The following STEAP4 variants were observed in gnomAD, a reference collection of about 807,000 sequenced individuals.
The protein encoded by STEAP4 is metalloreductase STEAP4.
In STEAP4, 36 loss-of-function variants were observed where a neutral mutation model predicts 43.6. The ratio of observed to expected loss-of-function variants is 0.83; its 90% CI spans 0.63 to 1.09. The LOEUF is 1.09. Ranked by LOEUF, STEAP4 falls within the 50% of genes least tolerant of loss-of-function variation. The pLI is 0.00. For missense variants in STEAP4, 495 were observed against 546.5 expected (o/e 0.91, Z 0.94); for synonymous variants, 191 against 196.7 (o/e 0.97, Z 0.24).
At chr7:88,305,517 A>G (rs1586757511) in intron 1 of STEAP4, among the ~76,000 whole-genome samples, 1 of 152,346 alleles carries the variant, frequency 6.6e-6, no homozygotes, top group East Asian at 1.9e-4. Flanking sequence ...TATGACTGCC[A>G]TTTGTAGGGA....
At position 88,273,501 on chromosome 7, in the gene STEAP4, G is replaced by GGTGTGTGT. The variant is rs71750459; in HGVS notation, c.*5889_*5896dup. ...AGCTATAGGTAATGGAACTAAGCCT[G>GGTGTGTGT]GTGTGTGTGTGTGTGTGTGTGTGTA... On this transcript the variant is annotated 3_prime_UTR_variant, in exon 5 of 5. Transcript: ENST00000380079. 6.7e-6 allele frequency: 1 copy of GGTGTGTGT among 149,462 alleles called. No individual in the cohort carries two copies. Among genetic ancestry groups the GGTGTGTGT allele is most frequent in the Admixed American group, 6.7e-5 (1 of 14,970 alleles). 9.3% of individuals were successfully genotyped at this position (149,462 alleles called of 1,614,324 possible). A position where few individuals can be genotyped will look rare whatever the true frequency, so the allele number is the denominator to read the frequency against.
At chr7:88,283,607 C>T in intron 2 of STEAP4, 1 of 624,118 alleles carries the variant, frequency 1.6e-6, no homozygotes, top group Non-Finnish European at 2.7e-6. Flanking sequence ...TTCCATCAAA[C>T]TAAAATCTGA....
intron 1 of STEAP4, among the ~76,000 whole-genome samples, chr7:88,302,340 T>A (rs1158505896): frequency 6.6e-6 from 1 of 152,200 alleles, no homozygotes. Context: ...AAGCATATAA[T>A]CAAATTGTTG....
At chr7:88,293,303 T>G (rs148089066) in intron 1 of STEAP4, among the ~76,000 whole-genome samples, 83 of 152,338 alleles carry the variant, frequency 5.4e-4, no homozygotes, top group African/African-American at 1.9e-3. Context: ...CTAATTGGAC[T>G]GTTTGGGTTT....
intron 2 of STEAP4, 52 bp from the exon 3 acceptor site, chr7:88,283,220 A>G (rs535458129): frequency 6.7e-7 from 1 of 1,490,032 alleles, no homozygotes; most frequent in South Asian, 1.4e-5. Context: ...TCCTTATTTA[A>G]TAATTATTTT....
chr7:88,283,641 ACAGTTGAC>A, intron 2 of STEAP4, 165 bp downstream of exon 2: 1 of 715,128 alleles, frequency 1.4e-6, no homozygotes. Context: ...GGGAGATATA[ACAGTTGAC>A]CACCTTATTT....
At chr7:88,283,706 A>C in intron 2 of STEAP4, 108 bp downstream of exon 2, 1 of 1,210,108 alleles carries the variant, frequency 8.3e-7, no homozygotes, top group Non-Finnish European at 1.1e-6. Flanking sequence ...GCAAAATGTA[A>C]TATTTAGTGG....
intron 1 of STEAP4, among the ~76,000 whole-genome samples, chr7:88,303,020 T>C (rs1470136582): frequency 6.7e-6 from 1 of 148,836 alleles, no homozygotes; most frequent in Non-Finnish European, 1.5e-5. Context: ...CTACTAATAA[T>C]CTTCCAAGAG....
Position 88,284,247 on chromosome 7 carries a change from G to A in STEAP4, c.23C>T (p.Ala8Val). 6 of 1,597,574 alleles carry A rather than the reference G, an allele frequency of 3.8e-6. No homozygotes were observed. The highest frequency in any genetic ancestry group is 1.3e-5 in the African/African-American group (1 of 74,366). ...TGAAGAATTCATAGTAAGAGGAAGTGCATCTATACAAGTTTTCTCCATAAC... is the reference window on the plus strand; with the variant it reads ...TGAAGAATTCATAGTAAGAGGAAGTACATCTATACAAGTTTTCTCCATAAC... The part of the protein sequence containing the change: MEKTCID[A>V]LPLTMNSSEK... The change falls in exon 2 of 5, where the codon GCA (alanine) becomes GTA (valine). Residue 8 changes from alanine to valine, a missense_variant. By Grantham distance (64) the Ala-to-Val change is moderately conservative. Transcript: ENST00000380079.
chr7:88,301,124 A>G (rs1424135172), intron 1 of STEAP4, among the ~76,000 whole-genome samples: 2 of 152,226 alleles, frequency 1.3e-5, no homozygotes, highest in African/African-American at 2.4e-5. Flanking sequence ...TATGAAAACC[A>G]GAGGCAACTG....
chr7:88,304,346 A>G (rs1853093221), intron 1 of STEAP4: 1 of 152,166 alleles, frequency 6.6e-6, no homozygotes, highest in African/African-American at 2.4e-5. Flanking sequence ...AATAAAAAAA[A>G]ATCTGTGAAG....
Position 88,304,791 on chromosome 7 carries a change from G to T in STEAP4, c.-3+2001C>A, listed in dbSNP as rs1853101284. Reference sequence around the variant, plus strand: ...AGGTGGTAAGGATCCTAAAACAGTGGAATGTGTTCCTGAGAGTGACAACAG... The same window carrying T: ...AGGTGGTAAGGATCCTAAAACAGTGTAATGTGTTCCTGAGAGTGACAACAG... On this transcript the variant is annotated intron_variant, in intron 1 of 4. Transcript: ENST00000380079. 2.6e-5 allele frequency among the ~76,000 whole-genome samples: 4 copies of T among 151,990 alleles called. No individual in the cohort carries two copies. The South Asian group carries it at 8.3e-4, about 32-fold the overall frequency.
rs781765148 is a variant in STEAP4 at position 88,284,144 on chromosome 7, A to G, written c.126T>C (p.Gly42=). The change falls in exon 2 of 5, where the codon GGT becomes GGC. Residue 42 remains glycine, a synonymous_variant. Transcript: ENST00000380079. ...TTCGACTTCCAAAAACAACAGAATA[A>G]CCACACTGGAGCATTTTCAATCCCA... ...RSLGLKMLQC[G]YSVVFGSRNP... is the part of the protein sequence containing the mutation. 1 of 1,614,174 alleles carries G rather than the reference A, an allele frequency of 6.2e-7. No individual in the cohort carries two copies. Among genetic ancestry groups the G allele is most frequent in the South Asian group, 1.1e-5 (1 of 91,080 alleles).
Position 88,283,873 on chromosome 7 carries a change from C to A in STEAP4, c.397G>T (p.Ala133Ser). The change falls in exon 2 of 5, where the codon GCA becomes TCA. Residue 133 changes from alanine to serine, a missense_variant. Transcript: ENST00000380079. ...GCCCAGGCTGAGATGGTGTTAAATG[C>A]TTTTACCACGTGGGCTCCTGGCACC... ...HLVPGAHVVKAFNTISAWALQ... is the reference protein window; with the variant it reads ...HLVPGAHVVKSFNTISAWALQ... 1 of 1,614,130 alleles carries A rather than the reference C, an allele frequency of 6.2e-7. No homozygotes were observed. Among genetic ancestry groups the A allele is most frequent in the Non-Finnish European group, 8.5e-7 (1 of 1,180,020 alleles).
chr7:88,287,886 G>A (rs1326967044), intron 1 of STEAP4, among the ~76,000 whole-genome samples: 1 of 152,164 alleles, frequency 6.6e-6, no homozygotes, highest in Non-Finnish European at 1.5e-5. Context: ...GTCTTTTTGG[G>A]AAAAGGGACA....
chr7:88,293,094 G>A lies in STEAP4; in HGVS notation c.-2-8823C>T, dbSNP rs914822774. ...TAGCATTCTAAGACTTGGCTATACT[G>A]ACTTCGAATGTGTACTAATTTACCC... On this transcript the variant is annotated intron_variant, in intron 1 of 4. Transcript: ENST00000380079. The A allele has an allele frequency of 2.5e-4, 38 of 152,160 alleles. 1 individual carries two copies. The highest frequency in any genetic ancestry group is 1.9e-4 in the East Asian group (1 of 5,200). 9.4% of individuals were successfully genotyped at this position (152,160 alleles called of 1,614,324 possible).
intron 1 of STEAP4, among the ~76,000 whole-genome samples, chr7:88,302,179 C>G (rs2116031123): frequency 6.6e-6 from 1 of 152,220 alleles, no homozygotes; most frequent in Non-Finnish European, 1.5e-5. Context: ...TGTACTATGT[C>G]CATAAGGTAA....
chr7:88,289,213 G>A (rs1274427310), intron 1 of STEAP4, among the ~76,000 whole-genome samples: 1 of 151,868 alleles, frequency 6.6e-6, no homozygotes, highest in Non-Finnish European at 1.5e-5. Context: ...TGAAGGGGCT[G>A]GAAGTACAAA....
At chr7:88,303,414 T>C (rs554998377) in intron 1 of STEAP4, among the ~76,000 whole-genome samples, 1 of 150,958 alleles carries the variant, frequency 6.6e-6, no homozygotes, top group Non-Finnish European at 1.5e-5. Context: ...GAGAACTGCT[T>C]GAACCCAAGG....
Sources: allele counts gnomAD v4.1 joint callset (sites outside exome capture counted in the v4.1 genomes callset), GRCh38; gene constraint gnomAD v4.1.1; transcripts MANE v1.5; gene names NCBI Gene and HGNC (gene_info 2026-07-23, HGNC 2026-07-21).